Variants in ZNF492 observed in about 807,000 individuals in gnomAD.
ZNF492 encodes zinc finger protein 492, also known as zinc finger protein 115 (Y20).
A neutral mutation model predicts 6.4 loss-of-function variants in ZNF492; 3 were observed. The observed-to-expected ratio is 0.47, with a 90% CI of 0.21 to 1.22. The LOEUF (loss-of-function observed/expected upper bound fraction) is 1.22. Among genes scored for constraint, ZNF492 ranks in the 50% most tolerant of loss-of-function variants. ZNF492 has a pLI of 0.22. For synonymous variants in ZNF492, 112 were observed against 205.3 expected, an observed-to-expected ratio of 0.55 and a Z score of 3.89; for missense variants, 356 against 612.5, an observed-to-expected ratio of 0.58 and a Z score of 4.42.
chr19:22,653,355 T>G lies in ZNF492; in HGVS notation c.-45T>G. 1 of 1,613,728 alleles carries G rather than the reference T, an allele frequency of 6.2e-7. No homozygotes were observed. Among genetic ancestry groups the G allele is most frequent in the Non-Finnish European group, 8.5e-7 (1 of 1,179,980 alleles). ...GGCCATAGAATTCTCTCTGGAGGAG[T>G]GGCAATGCCTGGACACCGCACAGCA... On this transcript the variant is annotated 5_prime_UTR_variant, in exon 2 of 4. Coordinates refer to ENST00000456783, the MANE Select transcript of ZNF492 (RefSeq NM_020855.3).
At chr19:22,640,416 C>T (rs1025964282) in intron 1 of ZNF492, among the ~76,000 whole-genome samples, 27 of 152,208 alleles carry the variant, frequency 1.8e-4, no homozygotes, top group African/African-American at 5.5e-4. Flanking sequence ...CCTGCTTTGG[C>T]TTCCCAAAGT....
chr19:22,652,537 CTT>C (rs1396859651), intron 1 of ZNF492, among the ~76,000 whole-genome samples: 3 of 151,192 alleles, frequency 2.0e-5, no homozygotes, highest in Non-Finnish European at 4.4e-5. Context: ...TACTGGTGAG[CTT>C]GTTAGAGATT....
In ZNF492 at chr19:22,663,875, G is replaced by C. The variant is rs755290716; in HGVS notation, c.206G>C (p.Arg69Thr). The change falls in exon 4 of 4, where the codon AGA becomes ACA. Residue 69 changes from arginine to threonine, a missense_variant. Physicochemically the swap from Arg to Thr is moderately conservative, Grantham distance 71. Transcript: ENST00000456783. ...KKNYFQKVILRRYKKCGCENL... is the reference protein window; with the variant it reads ...KKNYFQKVILTRYKKCGCENL... ...AATTATTTCCAAAAAGTGATACTGAGAAGATATAAAAAATGTGGATGTGAA... is the reference window on the plus strand; with the variant it reads ...AATTATTTCCAAAAAGTGATACTGACAAGATATAAAAAATGTGGATGTGAA... The C allele has an allele frequency of 6.3e-7, 1 of 1,581,484 alleles. No individual in the cohort carries two copies. Among genetic ancestry groups the C allele is most frequent in the Non-Finnish European group, 8.6e-7 (1 of 1,164,612 alleles).
intron 1 of ZNF492, among the ~76,000 whole-genome samples, chr19:22,636,130 G>A (rs539296519): frequency 1.3e-5 from 2 of 148,498 alleles, no homozygotes; most frequent in Non-Finnish European, 3.0e-5. Flanking sequence ...ATGGAGTTTC[G>A]CTCTTGTTGC....
At chr19:22,637,372 C>A (rs1971779780) in intron 1 of ZNF492, among the ~76,000 whole-genome samples, 1 of 151,934 alleles carries the variant, frequency 6.6e-6, no homozygotes, top group African/African-American at 2.4e-5. Flanking sequence ...CTTACTGCAG[C>A]CTTAACCTCC....
At chr19:22,636,546 T>TGTGTG (rs1971767032) in intron 1 of ZNF492, among the ~76,000 whole-genome samples, 5 of 103,360 alleles carry the variant, frequency 4.8e-5, no homozygotes, top group South Asian at 2.9e-4. Flanking sequence ...GTGTGTGTGT[T>TGTGTG]TGTGTGTGTG....
At chr19:22,640,164 GA>G (rs1971811996) in intron 1 of ZNF492, among the ~76,000 whole-genome samples, 1 of 141,736 alleles carries the variant, frequency 7.1e-6, no homozygotes, top group African/African-American at 2.9e-5. Flanking sequence ...ATTCATGTGT[GA>G]TTTTTTTTTT....
chr19:22,641,289 G>T (rs1971823280), intron 1 of ZNF492, among the ~76,000 whole-genome samples: 1 of 152,054 alleles, frequency 6.6e-6, no homozygotes, highest in Non-Finnish European at 1.5e-5. Context: ...AAAAATTCAG[G>T]TATGTTGTAT....
chr19:22,661,218 T>A (rs981277231), intron 3 of ZNF492, among the ~76,000 whole-genome samples: 2 of 151,930 alleles, frequency 1.3e-5, no homozygotes, highest in Non-Finnish European at 2.9e-5. Flanking sequence ...TTGTTTTTTT[T>A]AATATTTTGA....
At chr19:22,656,372 A>G (rs1971996928) in intron 3 of ZNF492, among the ~76,000 whole-genome samples, 1 of 151,644 alleles carries the variant, frequency 6.6e-6, no homozygotes, top group East Asian at 1.9e-4. Flanking sequence ...ACGCTAGGGC[A>G]GATTTCTGCA....
In ZNF492 at chr19:22,667,644, C is replaced by T. The variant is rs1401310546; in HGVS notation, c.*2379C>T. Reference sequence around the variant, plus strand: ...GTATAAAATTTACACATTTCTGAGTCCTGAATAAATAAAAATAATTTCTTG... The same window carrying T: ...GTATAAAATTTACACATTTCTGAGTTCTGAATAAATAAAAATAATTTCTTG... On this transcript the variant is annotated 3_prime_UTR_variant, in exon 4 of 4. Transcript: ENST00000456783. 1 of 151,582 alleles carries T rather than the reference C, an allele frequency of 6.6e-6. No homozygotes were observed. The highest frequency in any genetic ancestry group is 1.5e-5 in the Non-Finnish European group (1 of 67,922). The allele number at this position is 151,582 out of a possible 1,614,324, so 9.4% of individuals were successfully genotyped here.
chr19:22,655,841 T>TTTTTTTA, intron 3 of ZNF492, among the ~76,000 whole-genome samples: 1 of 144,362 alleles, frequency 6.9e-6, no homozygotes, highest in African/African-American at 2.7e-5. Flanking sequence ...TTTTTTTTTT[T>TTTTTTTA]TGAGACAGCG....
rs138548199 is a variant in ZNF492, at chr19:22,644,275, G to C, written c.-93-9032G>C. 3.5e-5 allele frequency among the ~76,000 whole-genome samples: 5 copies of C among 144,408 alleles called. No individual in the cohort carries two copies. In the East Asian group the frequency reaches 1.0e-3, roughly 29 times the overall value. The allele number at this position is 144,408 out of a possible 152,430, so 94.7% of individuals were successfully genotyped here. A position where few individuals can be genotyped will look rare whatever the true frequency, so the allele number is the denominator to read the frequency against. On this transcript the variant is annotated intron_variant, in intron 1 of 3. Transcript: ENST00000456783. The stretch of plus-strand genomic sequence containing the variant: ...TTATTTTATTTTTATTTTACTTTAA[G>C]TTCCAGGATACATGTGCAGAATGTG...
Position 22,664,151 on chromosome 19 carries a change from G to T in ZNF492, c.482G>T (p.Arg161Ile), listed in dbSNP as rs370603169. The change falls in exon 4 of 4, where the codon AGA becomes ATA. Residue 161 changes from arginine to isoleucine, a missense_variant. Physicochemically the swap from Arg to Ile is moderately conservative, Grantham distance 97 (BLOSUM62 -3). Coordinates refer to ENST00000456783, the MANE Select transcript of ZNF492 (RefSeq NM_020855.3). ...CTTTCACACTTAGCTCAACATAAAAGAATTCATAGTGGAGAGAAACCCTAC... is the reference window on the plus strand; with the variant it reads ...CTTTCACACTTAGCTCAACATAAAATAATTCATAGTGGAGAGAAACCCTAC... ...CMLSHLAQHK[R>I]IHSGEKPYKC... The T allele has an allele frequency of 3.8e-5, 61 of 1,605,418 alleles. No homozygotes were observed. The highest frequency in any genetic ancestry group is 4.8e-5 in the Non-Finnish European group (57 of 1,175,982).
In ZNF492 at chr19:22,664,212, C is replaced by T. The variant is rs1303697674; in HGVS notation, c.543C>T (p.Thr181=). 1.9e-6 allele frequency: 3 copies of T among 1,612,972 alleles called. No individual in the cohort carries two copies. The highest frequency in any genetic ancestry group is 2.5e-6 in the Non-Finnish European group (3 of 1,179,476). The part of the protein sequence containing the change: ...CKECGKAYNE[T]SNLSTHKRIH... The stretch of plus-strand genomic sequence containing the variant: ...AATGTGGGAAAGCCTATAATGAGAC[C>T]TCAAACCTTTCTACACATAAAAGAA... Residue 181 remains threonine, a synonymous_variant, in exon 4 of 4, where the codon ACC becomes ACT. Coordinates refer to ENST00000456783, the MANE Select transcript of ZNF492 (RefSeq NM_020855.3).
In ZNF492 at chr19:22,634,764, A is replaced by C. The variant is rs529194125; in HGVS notation, c.-94+290A>C. On this transcript the variant is annotated intron_variant, in intron 1 of 3. Coordinates refer to ENST00000456783, the MANE Select transcript of ZNF492 (RefSeq NM_020855.3). Reference sequence around the variant, plus strand: ...GCGTCGTGTCTCTCCCAGATTGTGCAGGGACCACGGGAGGGTGGTCAGGGG... The same window carrying C: ...GCGTCGTGTCTCTCCCAGATTGTGCCGGGACCACGGGAGGGTGGTCAGGGG... 4.0e-4 allele frequency among the ~76,000 whole-genome samples: 61 copies of C among 152,242 alleles called. 1 individual carries two copies. The highest frequency in any genetic ancestry group is 1.5e-3 in the South Asian group (7 of 4,822).
At chr19:22,663,409 G>A (rs568617033) in intron 3 of ZNF492, among the ~76,000 whole-genome samples, 1 of 152,146 alleles carries the variant, frequency 6.6e-6, no homozygotes, top group East Asian at 1.9e-4. Context: ...CAGTGTAAAA[G>A]CCCCTGCCAT....
Position 22,653,930 on chromosome 19 carries a change from C to T in ZNF492, c.45C>T (p.Ala15=), listed in dbSNP as rs1292174230. The change falls in exon 3 of 4, where the codon GCC becomes GCT. Residue 15 remains alanine, a synonymous_variant. Transcript: ENST00000456783. Reference sequence around the variant, plus strand: ...TTTGTAATAAAACAGGTATTGCTGCCTCTAAGCCAGACCTGATCACCTGTC... The same window carrying T: ...TTTGTAATAAAACAGGTATTGCTGCTTCTAAGCCAGACCTGATCACCTGTC... The part of the protein sequence containing the change: ...YRNLVFVGIA[A]SKPDLITCLE... 3 of 1,585,616 alleles carry T rather than the reference C, an allele frequency of 1.9e-6. No homozygotes were observed. Among genetic ancestry groups the T allele is most frequent in the African/African-American group, 2.8e-5 (2 of 72,692 alleles).
rs190820161 is a variant in ZNF492 at position 22,644,332 on chromosome 19, A to G, written c.-93-8975A>G. On this transcript the variant is annotated intron_variant, in intron 1 of 3. Transcript: ENST00000456783. ...TATTACATAGGTATATGTGTGCCAC[A>G]GTGGTTTGCTGCACGTATTGACCCA... Among the ~76,000 whole-genome samples the G allele has an allele frequency of 2.0e-3, 312 of 152,290 alleles. 2 individuals carry two copies. Among genetic ancestry groups the G allele is most frequent in the African/African-American group, 7.3e-3 (302 of 41,562 alleles).
Sources: gnomAD v4.1 joint callset for allele counts (sites outside exome capture counted in the v4.1 genomes callset) on GRCh38, gnomAD v4.1.1 for gene constraint, MANE v1.5 for transcripts, NCBI Gene and HGNC (gene_info 2026-07-23, HGNC 2026-07-21) for gene names.